STAG2: variants seen among roughly 807,000 people sequenced by gnomAD.
The protein encoded by STAG2 is STAG2 cohesin complex component.
A neutral mutation model predicts 108.1 loss-of-function variants in STAG2; 14 were observed. That is an observed-to-expected ratio of 0.13 (90% CI 0.09 to 0.20). The LOEUF (loss-of-function observed/expected upper bound fraction) is 0.20, where lower values mean the gene tolerates loss of function less well. Ranked by LOEUF, STAG2 falls within the 10% of genes least tolerant of loss-of-function variation. The pLI, the probability that STAG2 is intolerant of heterozygous loss-of-function variation, is 1.00. For synonymous variants in STAG2, 307 were observed against 302.7 expected (o/e 1.01, Z -0.15); for missense variants, 440 against 940.9 (o/e 0.47, Z 6.96).
intron 1 of STAG2, among the ~76,000 whole-genome samples, chrX:123,995,368 A>G (rs2055681295): frequency 8.9e-6 from 1 of 112,272 alleles, no homozygotes; most frequent in Middle Eastern, 4.6e-3. Flanking sequence ...CTGAAAGGCT[A>G]TTTATCCTAA....
intron 1 of STAG2, among the ~76,000 whole-genome samples, chrX:124,001,342 G>A (rs1389492198): frequency 9.0e-6 from 1 of 111,397 alleles, no homozygotes; most frequent in Non-Finnish European, 1.9e-5. Flanking sequence ...CATCCGCCTC[G>A]GCCTCCCAAA....
chrX:124,011,405 C>T (rs1332991095), intron 1 of STAG2, among the ~76,000 whole-genome samples: 1 of 111,138 alleles, frequency 9.0e-6, no homozygotes, highest in Non-Finnish European at 1.9e-5. Flanking sequence ...GCTAGGCCTT[C>T]CAATACTATG....
At chrX:124,051,792 G>A (rs1386043189) in intron 13 of STAG2, among the ~76,000 whole-genome samples, 2 of 110,726 alleles carry the variant, frequency 1.8e-5, no homozygotes, top group East Asian at 2.8e-4. Flanking sequence ...GGGTTTCACT[G>A]TGTTAGCCAG....
chrX:123,990,119 C>T (rs914471187), intron 1 of STAG2, among the ~76,000 whole-genome samples: 1 of 111,691 alleles, frequency 9.0e-6, no homozygotes, highest in African/African-American at 3.3e-5. Flanking sequence ...TGAAAGTACA[C>T]TCCACAGAGT....
At chrX:123,995,465 C>A (rs1019697103) in intron 1 of STAG2, among the ~76,000 whole-genome samples, 1 of 111,130 alleles carries the variant, frequency 9.0e-6, no homozygotes, top group Non-Finnish European at 1.9e-5. Flanking sequence ...GAGGCCGAGG[C>A]GGGTGGATCA....
chrX:124,077,045 C>G (rs1424938184), intron 26 of STAG2, among the ~76,000 whole-genome samples: 1 of 111,162 alleles, frequency 9.0e-6, no homozygotes, highest in African/African-American at 3.3e-5. Flanking sequence ...CAGAATGTGA[C>G]TAAATGTGGT....
At position 124,066,156 on chromosome X, in the gene STAG2, T is replaced by C; in HGVS notation, c.2097-19T>C. ...TAATAAAACTTAATTTTTTTTTTTT[T>C]TTTTTTTTTTTTTTACAGTGCCCAT... On this transcript the variant is annotated intron_variant, in intron 21 of 34. Transcript: ENST00000371145. The C allele has an allele frequency of 1.0e-6, 1 of 990,585 alleles. No homozygotes were observed. Among genetic ancestry groups the C allele is most frequent in the Non-Finnish European group, 1.3e-6 (1 of 771,665 alleles). 81.6% of individuals were successfully genotyped at this position (990,585 alleles called of 1,213,427 possible).
At chrX:124,061,982 A>G (rs2148313719) in intron 17 of STAG2, 108 bp downstream of exon 17, 2 of 627,443 alleles carry the variant, frequency 3.2e-6, no homozygotes, top group South Asian at 3.6e-5. Flanking sequence ...TATTTTTCAG[A>G]CAACCTTTGC....
chrX:124,094,270 G>T (rs1385026863), intron 33 of STAG2, 126 bp downstream of exon 33: 2 of 655,133 alleles, frequency 3.1e-6, no homozygotes, highest in East Asian at 6.9e-5. Context: ...TAAAATAGTT[G>T]CCAGGGGTTT....
intron 5 of STAG2, among the ~76,000 whole-genome samples, chrX:124,031,719 A>C (rs1602949330): frequency 1.5e-5 from 1 of 65,086 alleles, no homozygotes; most frequent in African/African-American, 5.9e-5. Flanking sequence ...TGCCCAGCCC[A>C]TTATTTATTA....
chrX:124,043,130 G>GT (rs1180244182), intron 7 of STAG2, among the ~76,000 whole-genome samples: 324 of 102,311 alleles, frequency 3.2e-3, no homozygotes, highest in African/African-American at 9.2e-3. Flanking sequence ...AGTGTCAGTT[G>GT]TTTTTTTTTT....
chrX:123,960,684 C>A (rs1194088393), upstream of STAG2: 1 of 101,867 alleles, frequency 9.8e-6, no homozygotes, highest in African/African-American at 3.9e-5. Flanking sequence ...CTTTCAAAAC[C>A]CCCCACCGCT....
At chrX:124,030,101 A>G (rs150298926) in intron 4 of STAG2, among the ~76,000 whole-genome samples, 3,684 of 111,441 alleles carry the variant, frequency 0.033, 78 homozygotes, top group Non-Finnish European at 0.052. Flanking sequence ...ACCTACTCCT[A>G]ATGTTCAGAA....
intron 1 of STAG2, among the ~76,000 whole-genome samples, chrX:123,987,633 A>C (rs1214969896): frequency 8.9e-6 from 1 of 112,327 alleles, no homozygotes; most frequent in African/African-American, 3.2e-5. Flanking sequence ...CTTTTCAAGG[A>C]ATAGGTGCAA....
Position 124,057,930 on chromosome X carries a change from A to G in STAG2, c.1369A>G (p.Asn457Asp). 13 of 1,197,150 alleles carry G rather than the reference A, an allele frequency of 1.1e-5. No individual in the cohort carries two copies. Among genetic ancestry groups the G allele is most frequent in the Non-Finnish European group, 1.5e-5 (13 of 887,604 alleles). ...MMKRRGRQGP[N>D]ANLVKTLVFF... ...GAAAAGAAGAGGAAGACAAGGTCCA[A>G]ATGCCAACCTTGTTAAGACATTGGT... is the stretch of plus-strand genomic sequence containing the variant. Residue 457 changes from asparagine (N) to aspartate (D), a missense_variant, in exon 15 of 35, where the codon AAT (asparagine) becomes GAT (aspartate). By Grantham distance (23) the Asn-to-Asp change is conservative. Around this residue, in one of 3 missense-constraint regions of STAG2, gnomAD observed 337 missense variants for 649.3 expected, o/e 0.52. Coordinates refer to ENST00000371145, the MANE Select transcript of STAG2 (RefSeq NM_001042750.2).
intron 3 of STAG2, among the ~76,000 whole-genome samples, chrX:124,024,525 G>A (rs755753063): frequency 5.4e-5 from 6 of 110,760 alleles, no homozygotes; most frequent in African/African-American, 1.3e-4. Flanking sequence ...TTTATTACAG[G>A]CCCTTTCCTC....
intron 5 of STAG2, among the ~76,000 whole-genome samples, chrX:124,037,067 G>A (rs960892140): frequency 3.6e-5 from 4 of 109,961 alleles, no homozygotes; most frequent in African/African-American, 1.3e-4. Flanking sequence ...TGTATTGGTA[G>A]TAGAGACAAG....
intron 34 of STAG2, among the ~76,000 whole-genome samples, chrX:124,099,007 C>G (rs1015745344): frequency 2.7e-5 from 3 of 111,793 alleles, no homozygotes; most frequent in Non-Finnish European, 3.8e-5. Flanking sequence ...ATGTTAACAT[C>G]AGAAACAGGC....
At chrX:123,969,926 C>T (rs1045802193) in intron 1 of STAG2, among the ~76,000 whole-genome samples, 2 of 97,599 alleles carry the variant, frequency 2.0e-5, no homozygotes, top group African/African-American at 3.9e-5. Context: ...GGATTACAGG[C>T]GTGAGCCACC....
Sources: gnomAD v4.1 joint callset for allele counts (sites outside exome capture counted in the v4.1 genomes callset) on GRCh38, gnomAD v4.1.1 for gene constraint, gnomAD v4.1.1 regional missense constraint, MANE v1.5 for transcripts, NCBI Gene and HGNC (gene_info 2026-07-23, HGNC 2026-07-21) for gene names.